Variants in IL1RAPL2 observed in about 807,000 individuals in gnomAD.
IL1RAPL2 encodes the protein X-linked interleukin-1 receptor accessory protein-like 2.
Under a neutral mutation model 44.1 loss-of-function variants are expected in IL1RAPL2, and 3 were observed. The observed-to-expected ratio is 0.07, with a 90% CI of 0.03 to 0.18. IL1RAPL2 has a LOEUF of 0.18. IL1RAPL2 is among the 10% of genes least tolerant of loss of function. The pLI is 1.00. For synonymous variants in IL1RAPL2, 181 were observed against 178.8 expected (o/e 1.01, Z -0.10); for missense variants, 391 against 496.4 (o/e 0.79, Z 2.02).
chrX:105,289,795 G>A (rs1489953650), intron 5 of IL1RAPL2, among the ~76,000 whole-genome samples: 1 of 111,254 alleles, frequency 9.0e-6, no homozygotes, highest in Non-Finnish European at 1.9e-5. Flanking sequence ...AAATAAATAT[G>A]GGAGCGAACA....
intron 2 of IL1RAPL2, among the ~76,000 whole-genome samples, chrX:105,012,514 CTAT>C (rs1237734861): frequency 9.2e-6 from 1 of 108,435 alleles, no homozygotes; most frequent in Admixed American, 9.9e-5. Flanking sequence ...TATTGCGGGC[CTAT>C]TATTAATGTG....
intron 5 of IL1RAPL2, among the ~76,000 whole-genome samples, chrX:105,436,937 C>A (rs1406355487): frequency 9.3e-6 from 1 of 107,904 alleles, no homozygotes; most frequent in African/African-American, 3.4e-5. Context: ...AAATAAGTGT[C>A]TTGAAATCTT....
intron 1 of IL1RAPL2, among the ~76,000 whole-genome samples, chrX:104,593,167 C>T (rs1213670505): frequency 9.0e-6 from 1 of 111,655 alleles, no homozygotes; most frequent in Non-Finnish European, 1.9e-5. Context: ...ATAATGGTGA[C>T]TATATACATC....
At chrX:105,530,407 ATTT>A (rs778032129) in intron 6 of IL1RAPL2, among the ~76,000 whole-genome samples, 3 of 110,258 alleles carry the variant, frequency 2.7e-5, no homozygotes, top group East Asian at 5.7e-4. Context: ...TCTCCATTTT[ATTT>A]TTTATTTATA....
chrX:105,272,975 T>G (rs2034458841), intron 5 of IL1RAPL2, among the ~76,000 whole-genome samples: 1 of 111,361 alleles, frequency 9.0e-6, no homozygotes, highest in Non-Finnish European at 1.9e-5. Flanking sequence ...TGCTGAGATT[T>G]TGCAGGGGAG....
At chrX:105,430,352 T>C (rs1030955816) in intron 5 of IL1RAPL2, among the ~76,000 whole-genome samples, 20 of 111,663 alleles carry the variant, frequency 1.8e-4, no homozygotes, top group Middle Eastern at 4.7e-3. Flanking sequence ...GAATTCCAGG[T>C]ACTCATTACC....
At chrX:105,311,671 C>CAT (rs973530685) in intron 5 of IL1RAPL2, among the ~76,000 whole-genome samples, 3 of 108,354 alleles carry the variant, frequency 2.8e-5, no homozygotes, top group Non-Finnish European at 5.8e-5. Flanking sequence ...CACAGACACA[C>CAT]ATATATATAA....
At chrX:105,432,276 T>G (rs1405357353) in intron 5 of IL1RAPL2, among the ~76,000 whole-genome samples, 1 of 109,393 alleles carries the variant, frequency 9.1e-6, no homozygotes, top group Non-Finnish European at 1.9e-5. Flanking sequence ...GTGAGCTCAT[T>G]TGCTCTAAGG....
In IL1RAPL2 at chrX:105,106,271, C is replaced by T. The variant is rs544026935; in HGVS notation, c.83-89204C>T. Among the ~76,000 whole-genome samples the T allele has an allele frequency of 9.0e-5, 10 of 111,224 alleles. No individual in the cohort carries two copies. In the South Asian group the frequency reaches 3.4e-3, roughly 38 times the overall value. On this transcript the variant is annotated intron_variant, in intron 2 of 10. Transcript: ENST00000372582. ...GTATGAAGAATGTGACATAGAAGAG[C>T]TAAGTTCAGGTGAGAGAACATATTC...
intron 5 of IL1RAPL2, among the ~76,000 whole-genome samples, chrX:105,269,210 G>A (rs1313417649): frequency 9.1e-6 from 1 of 110,066 alleles, no homozygotes; most frequent in African/African-American, 3.3e-5. Flanking sequence ...TGTTTAAAAA[G>A]GTTCAAAAAG....
At chrX:105,279,456 A>G (rs2038395943) in intron 5 of IL1RAPL2, among the ~76,000 whole-genome samples, 1 of 111,453 alleles carries the variant, frequency 9.0e-6, no homozygotes, top group African/African-American at 3.3e-5. Flanking sequence ...TTTGACTGGA[A>G]CAATTTTTTT....
At chrX:105,233,512 C>G (rs2034092474) in intron 3 of IL1RAPL2, among the ~76,000 whole-genome samples, 1 of 111,909 alleles carries the variant, frequency 8.9e-6, no homozygotes, top group Non-Finnish European at 1.9e-5. Context: ...TTTTTATTAT[C>G]AGATTTTCAA....
chrX:104,972,016 C>T (rs1442513941), intron 2 of IL1RAPL2, among the ~76,000 whole-genome samples: 1 of 111,687 alleles, frequency 9.0e-6, no homozygotes, highest in Non-Finnish European at 1.9e-5. Flanking sequence ...CCAGTTGAGG[C>T]ACACATCGAG....
At chrX:105,634,022 T>A (rs2037508011) in intron 6 of IL1RAPL2, among the ~76,000 whole-genome samples, 1 of 111,055 alleles carries the variant, frequency 9.0e-6, no homozygotes, top group Non-Finnish European at 1.9e-5. Flanking sequence ...CTTTCCTTCA[T>A]CTTCTAATGT....
At chrX:105,158,882 G>C (rs1350107860) in intron 2 of IL1RAPL2, among the ~76,000 whole-genome samples, 1 of 111,296 alleles carries the variant, frequency 9.0e-6, no homozygotes, top group African/African-American at 3.3e-5. Context: ...ATCTCTTTCT[G>C]TCTCGGCATT....
chrX:104,608,662 C>CTTTTT (rs60105376), intron 1 of IL1RAPL2, among the ~76,000 whole-genome samples: 26 of 58,524 alleles, frequency 4.4e-4, no homozygotes, highest in Non-Finnish European at 6.1e-4. Flanking sequence ...GCAACCCCTG[C>CTTTTT]TTTTTTTTTT....
intron 6 of IL1RAPL2, among the ~76,000 whole-genome samples, chrX:105,699,047 T>A (rs1331670180): frequency 1.8e-5 from 2 of 111,787 alleles, no homozygotes; most frequent in African/African-American, 3.2e-5. Context: ...AGTTAATTCA[T>A]GAAAATATGT....
chrX:104,596,667 G>C (rs1001275633), intron 1 of IL1RAPL2, among the ~76,000 whole-genome samples: 2 of 111,636 alleles, frequency 1.8e-5, no homozygotes, highest in Non-Finnish European at 3.8e-5. Context: ...GGAGAGGCTT[G>C]TCTGTATACT....
rs2032434112 is a variant in IL1RAPL2, at chrX:105,083,023, C to T, written c.83-112452C>T. ...CTCCTCCAAGCTAAAGGAGCATGTCCTAACCCAATGCAAGGAAGCTAAGAA... is the reference window on the plus strand; with the variant it reads ...CTCCTCCAAGCTAAAGGAGCATGTCTTAACCCAATGCAAGGAAGCTAAGAA... On this transcript the variant is annotated intron_variant, in intron 2 of 10. Coordinates refer to ENST00000372582, the MANE Select transcript of IL1RAPL2 (RefSeq NM_017416.2). 3.6e-5 allele frequency among the ~76,000 whole-genome samples: 4 copies of T among 111,204 alleles called. No homozygotes were observed. In the Admixed American group the frequency reaches 3.8e-4, roughly 11 times the overall value.
Sources: allele counts gnomAD v4.1 joint callset (sites outside exome capture counted in the v4.1 genomes callset), GRCh38; gene constraint gnomAD v4.1.1; transcripts MANE v1.5; gene names NCBI Gene and HGNC (gene_info 2026-07-23, HGNC 2026-07-21).